Variants in PIK3CB observed in about 807,000 individuals in gnomAD.
PIK3CB encodes phosphatidylinositol 4,5-bisphosphate 3-kinase catalytic subunit beta isoform.
A neutral mutation model predicts 136.8 loss-of-function variants in PIK3CB; 39 were observed. The ratio of observed to expected loss-of-function variants is 0.29; its 90% CI spans 0.22 to 0.37. The LOEUF is 0.37. Ranked by LOEUF, PIK3CB falls within the 10% of genes least tolerant of loss-of-function variation. The pLI is 1.00. For missense variants in PIK3CB, 868 were observed against 1,275.4 expected (o/e 0.68, Z 4.87); for synonymous variants, 428 against 436.6 (o/e 0.98, Z 0.25).
chr3:138,793,605 CAAA>C (rs764415808), intron 2 of PIK3CB, among the ~76,000 whole-genome samples: 1 of 95,350 alleles, frequency 1.0e-5, no homozygotes, highest in Non-Finnish European at 2.2e-5. Context: ...GACTCTGGCT[CAAA>C]AAAAAAAAAA....
intron 1 of PIK3CB, among the ~76,000 whole-genome samples, chr3:138,808,116 T>G (rs1240817408): frequency 1.3e-5 from 2 of 152,162 alleles, no homozygotes; most frequent in African/African-American, 2.4e-5. Context: ...CTATGACATA[T>G]GGTATTTGAA....
At chr3:138,735,884 T>A (rs1166393557) in intron 6 of PIK3CB, among the ~76,000 whole-genome samples, 1 of 152,188 alleles carries the variant, frequency 6.6e-6, no homozygotes, top group Non-Finnish European at 1.5e-5. Context: ...GATATTATGA[T>A]AAATATATTC....
intron 10 of PIK3CB, 54 bp from the exon 11 acceptor site, chr3:138,707,343 TA>T (rs34660347): frequency 1.3e-6 from 2 of 1,547,892 alleles, no homozygotes; most frequent in Non-Finnish European, 8.7e-7. Flanking sequence ...AACTAGGCTT[TA>T]AAAAAGCTGT....
At chr3:138,820,485 TC>T (rs1933514477) in intron 1 of PIK3CB, among the ~76,000 whole-genome samples, 1 of 152,174 alleles carries the variant, frequency 6.6e-6, no homozygotes, top group East Asian at 1.9e-4. Context: ...ATAAACACTT[TC>T]TTCATTCTGT....
chr3:138,759,400 C>A (rs1559866955), intron 2 of PIK3CB, 41 bp from the exon 3 acceptor site: 2 of 1,406,030 alleles, frequency 1.4e-6, no homozygotes, highest in East Asian at 2.3e-5. Flanking sequence ...CAACCATCAG[C>A]CAAATTTTAT....
chr3:138,723,914 T>C (rs1181758063), intron 8 of PIK3CB, among the ~76,000 whole-genome samples: 1 of 152,186 alleles, frequency 6.6e-6, no homozygotes, highest in Admixed American at 6.5e-5. Flanking sequence ...TTCCCATGTT[T>C]TGGGAATTTC....
At chr3:138,793,621 AG>A (rs1163730255) in intron 2 of PIK3CB, among the ~76,000 whole-genome samples, 1 of 148,452 alleles carries the variant, frequency 6.7e-6, no homozygotes, top group South Asian at 2.2e-4. Context: ...AAAAAAAAAA[AG>A]TTTAAACCTC....
In PIK3CB at chr3:138,744,392, C is replaced by CAAAAAAAAAAAAAAAAA. The variant is rs60503033; in HGVS notation, c.398-1628_398-1612dup. Among the ~76,000 whole-genome samples, 360 of 45,108 alleles carry CAAAAAAAAAAAAAAAAA rather than the reference C, an allele frequency of 8.0e-3. 168 individuals carry two copies. Among genetic ancestry groups the CAAAAAAAAAAAAAAAAA allele is most frequent in the East Asian group, 0.013 (26 of 2,060 alleles). 29.6% of individuals were successfully genotyped at this position (45,108 alleles called of 152,430 possible). On this transcript the variant is annotated intron_variant, in intron 4 of 23. Transcript: ENST00000674063. ...ACTGGGTGACAGAGCGAGACTCCCCCAAAAAAAAAAAAAAAAAAAAAAAAA... is the reference window on the plus strand; with the variant it reads ...ACTGGGTGACAGAGCGAGACTCCCCCAAAAAAAAAAAAAAAAAAAAAAAAAAAAAAAAAAAAAAAAAA...
intron 10 of PIK3CB, among the ~76,000 whole-genome samples, chr3:138,711,574 C>T (rs1211212769): frequency 3.0e-5 from 3 of 101,412 alleles, no homozygotes; most frequent in South Asian, 4.0e-4. Flanking sequence ...AGCGAAACTC[C>T]GTCGCAAAAA....
intron 1 of PIK3CB, among the ~76,000 whole-genome samples, chr3:138,818,245 C>T (rs1045561174): frequency 6.6e-6 from 1 of 152,176 alleles, no homozygotes; most frequent in Non-Finnish European, 1.5e-5. Context: ...AGCCTGCACA[C>T]AGCCATGCAG....
intron 2 of PIK3CB, 23 bp from the exon 3 acceptor site, chr3:138,759,382 T>A (rs200750330): frequency 6.4e-7 from 1 of 1,551,206 alleles, no homozygotes; most frequent in Admixed American, 1.8e-5. Flanking sequence ...AATTAAAACA[T>A]AGCAAAACAA....
chr3:138,718,750 T>C (rs1361541652), intron 8 of PIK3CB, among the ~76,000 whole-genome samples: 1 of 152,230 alleles, frequency 6.6e-6, no homozygotes, highest in Non-Finnish European at 1.5e-5. Context: ...CCAGCTTCAA[T>C]CATCTACATA....
intron 4 of PIK3CB, among the ~76,000 whole-genome samples, chr3:138,743,308 T>C (rs2045281511): frequency 6.6e-6 from 1 of 152,174 alleles, no homozygotes; most frequent in South Asian, 2.1e-4. Flanking sequence ...CCTCTCAATT[T>C]TGCTGTGAAC....
chr3:138,755,869 A>G lies in PIK3CB; in HGVS notation c.282T>C (p.Asp94=), dbSNP rs756165328. 5 of 1,611,636 alleles carry G rather than the reference A, an allele frequency of 3.1e-6. No homozygotes were observed. In the South Asian group the frequency reaches 4.4e-5, roughly 14 times the overall value. The change falls in exon 4 of 24, where the codon GAT becomes GAC. Residue 94 remains aspartate (D), a synonymous_variant. Coordinates refer to ENST00000674063, the MANE Select transcript of PIK3CB (RefSeq NM_006219.3). ...TGACATCACAGAGTCTTCGTGTTTC[A>G]TCTTCAAGCTCCTCATATACAGCAG... The part of the protein sequence containing the change: ...NQTAVYEELE[D]ETRRLCDVRP...
chr3:138,823,693 C>T lies in PIK3CB; in HGVS notation c.-122+11002G>A, dbSNP rs77337466. ...ACTCCAGCCTGGCGACAGAGCGAGGCTCTGTCTCAAAAAATAATAATGAAA... is the reference window on the plus strand; with the variant it reads ...ACTCCAGCCTGGCGACAGAGCGAGGTTCTGTCTCAAAAAATAATAATGAAA... On this transcript the variant is annotated intron_variant, in intron 1 of 23. Transcript: ENST00000674063. Among the ~76,000 whole-genome samples, 562 of 152,070 alleles carry T rather than the reference C, an allele frequency of 3.7e-3. 2 individuals carry two copies. The highest frequency in any genetic ancestry group is 0.012 in the African/African-American group (511 of 41,464).
intron 1 of PIK3CB, among the ~76,000 whole-genome samples, chr3:138,805,890 G>A (rs550980749): frequency 6.6e-5 from 10 of 151,038 alleles, no homozygotes; most frequent in East Asian, 2.1e-4. Flanking sequence ...CCACCATGCC[G>A]GGCTAATTTT....
intron 2 of PIK3CB, among the ~76,000 whole-genome samples, chr3:138,787,622 C>T (rs1184989019): frequency 6.6e-6 from 1 of 151,556 alleles, no homozygotes; most frequent in Non-Finnish European, 1.5e-5. Flanking sequence ...TATATTTTTC[C>T]AACAGTTAAG....
chr3:138,761,716 G>A (rs2045665225), intron 2 of PIK3CB, among the ~76,000 whole-genome samples: 1 of 152,176 alleles, frequency 6.6e-6, no homozygotes, highest in African/African-American at 2.4e-5. Flanking sequence ...GTTGCAGTGA[G>A]CCTAGACAGC....
chr3:138,755,843 C>T lies in PIK3CB; in HGVS notation c.308G>A (p.Arg103Lys), dbSNP rs774181749. Residue 103 changes from arginine (R) to lysine (K), a missense_variant, in exon 4 of 24, where the codon AGA becomes AAA. This residue lies in a region of PIK3CB where 612 missense variants were observed against 801.1 expected (regional missense o/e 0.76). Transcript: ENST00000674063. The part of the protein sequence containing the change: ...EDETRRLCDV[R>K]PFLPVLKLVT... ...TAATTTGAGAACTGGAAGAAAAGGT[C>T]TGACATCACAGAGTCTTCGTGTTTC... 1 of 1,613,262 alleles carries T rather than the reference C, an allele frequency of 6.2e-7. No homozygotes were observed. Among genetic ancestry groups the T allele is most frequent in the Non-Finnish European group, 8.5e-7 (1 of 1,179,388 alleles).
Sources: gnomAD v4.1 joint callset for allele counts (sites outside exome capture counted in the v4.1 genomes callset) on GRCh38, gnomAD v4.1.1 for gene constraint, gnomAD v4.1.1 regional missense constraint, MANE v1.5 for transcripts, NCBI Gene and HGNC (gene_info 2026-07-23, HGNC 2026-07-21) for gene names.